PQBP1: variants seen among roughly 807,000 people sequenced by gnomAD.
PQBP1 encodes the protein polyglutamine binding protein 1, also known as polyglutamine-binding protein 1.
PQBP1 carries 3 observed loss-of-function variants against 20.9 expected under a neutral mutation model. The observed-to-expected ratio is 0.14, with a 90% confidence interval of 0.07 to 0.37. PQBP1 has a LOEUF of 0.37. PQBP1 is among the 10% of genes least tolerant of loss of function. The probability of loss-of-function intolerance (pLI) is 1.00; values close to 1 mark genes in which losing one functional copy is unlikely to be tolerated. For synonymous variants in PQBP1, 83 were observed against 93.8 expected (o/e 0.88, Z 0.67); for missense variants, 162 against 240.3 (o/e 0.67, Z 2.16).
At chrX:48,901,502 G>C in intron 3 of PQBP1, 1 of 903,139 alleles carries the variant, frequency 1.1e-6, no homozygotes, top group Non-Finnish European at 1.5e-6. Context: ...TTTTGAAACG[G>C]AGTTTCACTC....
In PQBP1 at chrX:48,902,379, G is replaced by A; in HGVS notation, c.439G>A (p.Asp147Asn). 1.7e-6 allele frequency: 2 copies of A among 1,209,699 alleles called. No homozygotes were observed. Among genetic ancestry groups the A allele is most frequent in the Non-Finnish European group, 2.2e-6 (2 of 894,465 alleles). Residue 147 changes from aspartate to asparagine, a missense_variant, in exon 5 of 7, where the codon GAC becomes AAC. By Grantham distance (23) the Asp-to-Asn change is conservative. Coordinates refer to ENST00000447146, the MANE Select transcript of PQBP1 (RefSeq NM_001032382.2). ...TGACAGGGATCGAGAGCGTGGCTAT[G>A]ACAAGGTAGACAGAGAGAGAGAGCG... The part of the protein sequence containing the change: ...KSDRDRERGY[D>N]KVDRERERDR...
chrX:48,899,989 G>T (rs1431824964), intron 2 of PQBP1, among the ~76,000 whole-genome samples: 1 of 111,949 alleles, frequency 8.9e-6, no homozygotes, highest in Non-Finnish European at 1.9e-5. Context: ...GGTGCCTCAT[G>T]CCTGTAATCT....
At chrX:48,899,582 C>T (rs1557040541) in intron 2 of PQBP1, among the ~76,000 whole-genome samples, 2 of 110,727 alleles carry the variant, frequency 1.8e-5, no homozygotes, top group African/African-American at 6.6e-5. Flanking sequence ...CACATGGAGA[C>T]CCTGTCTGAA....
intron 2 of PQBP1, among the ~76,000 whole-genome samples, chrX:48,900,199 C>T (rs1313824224): frequency 1.9e-5 from 2 of 106,302 alleles, no homozygotes; most frequent in Non-Finnish European, 3.9e-5. Context: ...TGCAGTGAGC[C>T]GAGATCATGC....
chrX:48,900,794 T>C (rs2063397951), intron 2 of PQBP1, among the ~76,000 whole-genome samples: 1 of 110,012 alleles, frequency 9.1e-6, no homozygotes, highest in Admixed American at 9.7e-5. Context: ...GTTTTCACCA[T>C]CTTGGCCAGG....
intron 2 of PQBP1, among the ~76,000 whole-genome samples, chrX:48,899,682 C>T (rs144755583): frequency 6.1e-4 from 68 of 111,810 alleles, no homozygotes; most frequent in Non-Finnish European, 9.8e-4. Context: ...ATGGATTACT[C>T]TATGGGGGTG....
At chrX:48,899,316 G>A (rs1205465329) in intron 2 of PQBP1, among the ~76,000 whole-genome samples, 2 of 112,178 alleles carry the variant, frequency 1.8e-5, no homozygotes, top group African/African-American at 6.5e-5. Context: ...CTGGCTGGGC[G>A]TGGCGGCTCA....
At position 48,901,253 on chromosome X, in the gene PQBP1, G is replaced by T; in HGVS notation, c.131G>T (p.Arg44Met). Reference protein sequence around the residue: ...DDDPVDYEATRLEGLPPSWYK... With the variant: ...DDDPVDYEATMLEGLPPSWYK... ...GATCCTGTGGACTACGAGGCCACCA[G>T]GTTGGAGGGCCTACCACCAAGCTGG... Residue 44 changes from arginine (R) to methionine (M), a missense_variant, in exon 3 of 7, where the codon AGG becomes ATG. Transcript: ENST00000447146. 1 of 1,209,857 alleles carries T rather than the reference G, an allele frequency of 8.3e-7. No individual in the cohort carries two copies. Among genetic ancestry groups the T allele is most frequent in the South Asian group, 1.8e-5 (1 of 56,337 alleles).
intron 2 of PQBP1, among the ~76,000 whole-genome samples, chrX:48,900,183 G>A (rs927278701): frequency 2.8e-5 from 3 of 107,551 alleles, no homozygotes; most frequent in Admixed American, 9.9e-5. Flanking sequence ...CCCGGAAGGC[G>A]GAGCTTGCAG....
chrX:48,898,024 C>A lies in PQBP1; in HGVS notation c.-77C>A. On this transcript the variant is annotated 5_prime_UTR_variant, in exon 1 of 7. Coordinates refer to ENST00000447146, the MANE Select transcript of PQBP1 (RefSeq NM_001032382.2). Reference sequence around the variant, plus strand: ...AGTCGTGTGGGCCCAGGTATCGTAGCGGCGACACGAGAGAGACGGGCGGTG... The same window carrying A: ...AGTCGTGTGGGCCCAGGTATCGTAGAGGCGACACGAGAGAGACGGGCGGTG... The A allele has an allele frequency of 9.9e-7, 1 of 1,010,549 alleles. No homozygotes were observed. The highest frequency in any genetic ancestry group is 4.0e-5 in the Admixed American group (1 of 24,929). The allele number at this position is 1,010,549 out of a possible 1,213,427, so 83.3% of individuals were successfully genotyped here.
Position 48,901,232 on chromosome X carries a change from C to A in PQBP1, c.110C>A (p.Pro37His), listed in dbSNP as rs782567294. ...EIIAEDYDDD[P>H]VDYEATRLEG... ...ATTGCCGAGGACTATGACGATGATC[C>A]TGTGGACTACGAGGCCACCAGGTTG... The change falls in exon 3 of 7, where the codon CCT (proline) becomes CAT (histidine). Residue 37 changes from proline (P) to histidine (H), a missense_variant. Transcript: ENST00000447146. 1.2e-5 allele frequency: 14 copies of A among 1,208,093 alleles called. 1 individual carries two copies. Among genetic ancestry groups the A allele is most frequent in the Non-Finnish European group, 2.2e-6 (2 of 894,497 alleles).
Position 48,901,945 on chromosome X carries a change from C to T in PQBP1, c.195C>T (p.Tyr65=), listed in dbSNP as rs1191758099. ...GGCCCCACAGCGGGCTCCCTTACTA[C>T]TGGAATGCAGACACAGACCTTGTAT... ...VFDPSCGLPY[Y]WNADTDLVSW... Residue 65 remains tyrosine, a synonymous_variant, in exon 4 of 7, where the codon TAC becomes TAT. Transcript: ENST00000447146. The T allele has an allele frequency of 8.3e-7, 1 of 1,209,733 alleles. No individual in the cohort carries two copies. The highest frequency in any genetic ancestry group is 3.0e-5 in the East Asian group (1 of 33,775).
intron 4 of PQBP1, 42 bp downstream of exon 4, chrX:48,902,084 G>A: frequency 8.3e-7 from 1 of 1,211,054 alleles, no homozygotes. Flanking sequence ...GATCTTAGCA[G>A]TTCTCACGGA....
At chrX:48,898,767 G>C (rs1329120282) in intron 2 of PQBP1, among the ~76,000 whole-genome samples, 191 bp downstream of exon 2, 1 of 102,619 alleles carries the variant, frequency 9.7e-6, no homozygotes, top group Non-Finnish European at 2.0e-5. Flanking sequence ...AGGGGGTTGG[G>C]GGAATAGATA....
At chrX:48,901,017 T>C (rs915121550) in intron 2 of PQBP1, among the ~76,000 whole-genome samples, 173 bp from the exon 3 acceptor site, 35 of 111,855 alleles carry the variant, frequency 3.1e-4, no homozygotes, top group African/African-American at 1.1e-3. Flanking sequence ...CCTCCTAATA[T>C]AGAGAGTTGG....
chrX:48,899,435 A>T (rs1173530557), intron 2 of PQBP1, among the ~76,000 whole-genome samples: 1 of 111,540 alleles, frequency 9.0e-6, no homozygotes, highest in Non-Finnish European at 1.9e-5. Flanking sequence ...TACAAAAAAT[A>T]CAAAAATTAA....
intron 1 of PQBP1, 63 bp downstream of exon 1, chrX:48,898,145 C>T: frequency 9.8e-7 from 1 of 1,025,274 alleles, no homozygotes; most frequent in African/African-American, 1.9e-5. Context: ...GCTCCCCCAT[C>T]CCAGCGCTTT....
chrX:48,898,688 G>C, intron 2 of PQBP1, 112 bp downstream of exon 2: 1 of 758,602 alleles, frequency 1.3e-6, no homozygotes. Flanking sequence ...CCAAGCAATG[G>C]GGTGGCAGGC....
chrX:48,900,263 C>T (rs1602322983), intron 2 of PQBP1, among the ~76,000 whole-genome samples: 1 of 95,536 alleles, frequency 1.0e-5, no homozygotes, highest in East Asian at 3.4e-4. Context: ...AAAAATAAAA[C>T]TGGCAATGAT....
Sources: allele counts gnomAD v4.1 joint callset (sites outside exome capture counted in the v4.1 genomes callset), GRCh38; gene constraint gnomAD v4.1.1; transcripts MANE v1.5; gene names NCBI Gene and HGNC (gene_info 2026-07-23, HGNC 2026-07-21).